EPHB2: variants seen among roughly 807,000 people sequenced by gnomAD.
The protein encoded by EPHB2 is ephrin type-B receptor 2.
EPHB2 carries 18 observed loss-of-function variants against 96.4 expected under a neutral mutation model. That is an observed-to-expected ratio of 0.19 (90% confidence interval 0.13 to 0.28). The LOEUF is 0.28. EPHB2 is among the 10% of genes least tolerant of loss of function. The pLI, the probability that EPHB2 is intolerant of heterozygous loss-of-function variation, is 1.00. For missense variants in EPHB2, 989 were observed against 1,355.4 expected, an observed-to-expected ratio of 0.73 and a Z score of 4.25; for synonymous variants, 506 against 534.1, an observed-to-expected ratio of 0.95 and a Z score of 0.72.
At chr1:22,747,233 A>G (rs1486755151) in intron 1 of EPHB2, among the ~76,000 whole-genome samples, 1 of 152,248 alleles carries the variant, frequency 6.6e-6, no homozygotes, top group East Asian at 1.9e-4. Context: ...CTGTGGTCAC[A>G]GCAGCTGTGG....
At chr1:22,905,110 C>G (rs967080719) in intron 9 of EPHB2, among the ~76,000 whole-genome samples, 2 of 152,174 alleles carry the variant, frequency 1.3e-5, no homozygotes, top group Admixed American at 6.5e-5. Flanking sequence ...TCATCTTTCC[C>G]TTCTTTCAAA....
intron 3 of EPHB2, among the ~76,000 whole-genome samples, chr1:22,796,366 C>T (rs1171064397): frequency 6.6e-6 from 1 of 152,184 alleles, no homozygotes; most frequent in African/African-American, 2.4e-5. Flanking sequence ...GCTCCTTCCT[C>T]GGGCCTTCCC....
chr1:22,749,800 A>G (rs75186709), intron 1 of EPHB2, among the ~76,000 whole-genome samples: 9,441 of 152,232 alleles, frequency 0.062, 838 homozygotes, highest in African/African-American at 0.19. Context: ...TGGGGGCTGA[A>G]GATACTGAGA....
intron 7 of EPHB2, among the ~76,000 whole-genome samples, chr1:22,893,515 A>G (rs10917326): frequency 3.9e-5 from 6 of 152,152 alleles, no homozygotes; most frequent in Admixed American, 6.5e-5. Flanking sequence ...GGAATGGGAG[A>G]TCGTAACCTG....
At chr1:22,803,329 G>A (rs1036631913) in intron 3 of EPHB2, among the ~76,000 whole-genome samples, 3 of 152,208 alleles carry the variant, frequency 2.0e-5, no homozygotes, top group East Asian at 1.9e-4. Context: ...TGGTTAGGCC[G>A]GGCACAGTGG....
chr1:22,806,585 C>T (rs1644930418), intron 3 of EPHB2, among the ~76,000 whole-genome samples: 1 of 152,158 alleles, frequency 6.6e-6, no homozygotes, highest in African/African-American at 2.4e-5. Flanking sequence ...ATCCCAGCTT[C>T]TCAGCACAGT....
intron 5 of EPHB2, among the ~76,000 whole-genome samples, chr1:22,871,574 A>G (rs1163329653): frequency 1.3e-5 from 2 of 152,228 alleles, no homozygotes; most frequent in Non-Finnish European, 2.9e-5. Context: ...ATGGTTGTGG[A>G]CATTAACAAG....
chr1:22,743,792 G>A (rs1042711380), intron 1 of EPHB2, among the ~76,000 whole-genome samples: 6 of 152,312 alleles, frequency 3.9e-5, no homozygotes, highest in Non-Finnish European at 7.3e-5. Context: ...TAAAGTAGAT[G>A]ATAGCCCCAA....
chr1:22,811,472 A>G (rs1645001152), intron 3 of EPHB2, among the ~76,000 whole-genome samples: 1 of 152,190 alleles, frequency 6.6e-6, no homozygotes, highest in Non-Finnish European at 1.5e-5. Flanking sequence ...GCTGTCCCCA[A>G]GCTTGTCTGT....
chr1:22,745,358 CG>C (rs1330575877), intron 1 of EPHB2, among the ~76,000 whole-genome samples: 1 of 152,162 alleles, frequency 6.6e-6, no homozygotes. Context: ...AATACATACC[CG>C]ACTGGTTTCA....
chr1:22,774,720 T>A, intron 1 of EPHB2: 1 of 623,638 alleles, frequency 1.6e-6, no homozygotes, highest in Non-Finnish European at 2.0e-6. Context: ...GCAGGAGCTC[T>A]GAAGGGCGAT....
At chr1:22,820,684 A>T (rs1645140913) in intron 3 of EPHB2, among the ~76,000 whole-genome samples, 1 of 152,210 alleles carries the variant, frequency 6.6e-6, no homozygotes, top group Non-Finnish European at 1.5e-5. Flanking sequence ...AAAAAAGAAA[A>T]AAAATTAGCA....
intron 1 of EPHB2, among the ~76,000 whole-genome samples, chr1:22,754,674 G>C (rs534831607): frequency 3.3e-5 from 5 of 151,078 alleles, no homozygotes; most frequent in African/African-American, 1.2e-4. Context: ...GCCCTCTCTT[G>C]TCAAGGCTGT....
intron 5 of EPHB2, among the ~76,000 whole-genome samples, chr1:22,880,938 C>G (rs1416021173): frequency 6.6e-6 from 1 of 152,222 alleles, no homozygotes; most frequent in Non-Finnish European, 1.5e-5. Flanking sequence ...CTCACACCCC[C>G]TCTCTTGACC....
At chr1:22,775,371 G>A (rs1644435587) in intron 1 of EPHB2, 5 of 697,816 alleles carry the variant, frequency 7.2e-6, no homozygotes, top group African/African-American at 7.1e-5. Flanking sequence ...ATGTATAGGT[G>A]CTTAATGAAA....
At chr1:22,746,897 T>C (rs1262775819) in intron 1 of EPHB2, among the ~76,000 whole-genome samples, 1 of 152,282 alleles carries the variant, frequency 6.6e-6, no homozygotes, top group East Asian at 1.9e-4. Flanking sequence ...TCTCTTAGGT[T>C]AGCCTTGCTT....
intron 1 of EPHB2, among the ~76,000 whole-genome samples, chr1:22,766,147 A>AGGGAGGCAGCC (rs1644305226): frequency 6.6e-6 from 1 of 152,182 alleles, no homozygotes; most frequent in South Asian, 2.1e-4. Flanking sequence ...TGAGCTTTGA[A>AGGGAGGCAGCC]GGGAGGCAGC....
chr1:22,779,716 C>T (rs1180886806), intron 1 of EPHB2, among the ~76,000 whole-genome samples: 4 of 152,218 alleles, frequency 2.6e-5, no homozygotes, highest in Non-Finnish European at 4.4e-5. Flanking sequence ...TTGGAAGCCC[C>T]TTCCCATCCC....
chr1:22,744,429 G>GTATA (rs536230564), intron 1 of EPHB2, among the ~76,000 whole-genome samples: 3 of 147,750 alleles, frequency 2.0e-5, no homozygotes, highest in Admixed American at 6.8e-5. Context: ...TTTGTATGTT[G>GTATA]TATATATATA....
Sources: gnomAD v4.1 joint callset for allele counts (sites outside exome capture counted in the v4.1 genomes callset) on GRCh38, gnomAD v4.1.1 for gene constraint, MANE v1.5 for transcripts, NCBI Gene and HGNC (gene_info 2026-07-23, HGNC 2026-07-21) for gene names.